The following APP variants were observed in gnomAD, a reference collection of about 807,000 sequenced individuals.
APP encodes the protein amyloid beta precursor protein.
In APP, 31 loss-of-function variants were observed where a neutral mutation model predicts 101.4. That is an observed-to-expected ratio of 0.31 (90% CI 0.23 to 0.41). APP has a LOEUF of 0.41. Among genes scored for constraint, APP ranks in the 10% least tolerant of loss-of-function variants. The probability of loss-of-function intolerance (pLI) is 1.00; values close to 1 mark genes in which losing one functional copy is unlikely to be tolerated. For missense variants in APP, 839 were observed against 1,003.7 expected, an observed-to-expected ratio of 0.84 and a Z score of 2.22; for synonymous variants, 366 against 364.4, an observed-to-expected ratio of 1.00 and a Z score of -0.05.
At chr21:26,031,933 T>G (rs1165396722) in intron 5 of APP, among the ~76,000 whole-genome samples, 1 of 152,212 alleles carries the variant, frequency 6.6e-6, no homozygotes, top group East Asian at 1.9e-4. Flanking sequence ...AGTGGCAGAA[T>G]ATGCCAGGTA....
intron 13 of APP, among the ~76,000 whole-genome samples, chr21:25,949,857 T>C (rs1600998556): frequency 6.6e-6 from 1 of 152,220 alleles, no homozygotes; most frequent in African/African-American, 2.4e-5. Context: ...TTTGGACTTC[T>C]GGCAGGTCTT....
intron 5 of APP, among the ~76,000 whole-genome samples, chr21:26,027,161 G>C (rs897327913): frequency 6.6e-6 from 1 of 152,156 alleles, no homozygotes; most frequent in African/African-American, 2.4e-5. Flanking sequence ...CAACCTACTT[G>C]CACTGATGAG....
intron 13 of APP, among the ~76,000 whole-genome samples, chr21:25,917,052 G>C (rs577013134): frequency 6.4e-4 from 98 of 152,254 alleles, no homozygotes; most frequent in African/African-American, 2.3e-3. Context: ...CACGAGGTCA[G>C]GAGTTCAAGA....
intron 13 of APP, among the ~76,000 whole-genome samples, chr21:25,932,650 T>A (rs7283265): frequency 0.24 from 37,240 of 152,100 alleles, 7,716 homozygotes; most frequent in African/African-American, 0.56. Flanking sequence ...TTCTTTAAGA[T>A]AGTTACTTTA....
At chr21:26,032,801 A>ATAT (rs1555851810) in intron 5 of APP, among the ~76,000 whole-genome samples, 2 of 128,338 alleles carry the variant, frequency 1.6e-5, no homozygotes, top group African/African-American at 5.9e-5. Flanking sequence ...TTAGAAAAAA[A>ATAT]AAAAATATAT....
At chr21:26,143,471 C>T (rs145259610) in intron 1 of APP, among the ~76,000 whole-genome samples, 64 of 152,262 alleles carry the variant, frequency 4.2e-4, no homozygotes, top group African/African-American at 1.4e-3. Context: ...ATGTATACAA[C>T]GTGATGTTTT....
intron 6 of APP, among the ~76,000 whole-genome samples, chr21:26,008,114 T>C (rs1388694528): frequency 6.6e-6 from 1 of 152,222 alleles, no homozygotes; most frequent in East Asian, 1.9e-4. Flanking sequence ...CGCAGTTGGC[T>C]AGCCTTTTTA....
intron 8 of APP, among the ~76,000 whole-genome samples, chr21:25,984,105 G>C (rs936572345): frequency 4.6e-5 from 7 of 152,144 alleles, no homozygotes; most frequent in Non-Finnish European, 1.0e-4. Flanking sequence ...ATACATGTTA[G>C]TGGCCTTCCC....
At chr21:26,027,972 A>C (rs937452745) in intron 5 of APP, among the ~76,000 whole-genome samples, 1 of 152,080 alleles carries the variant, frequency 6.6e-6, no homozygotes, top group African/African-American at 2.4e-5. Flanking sequence ...AGGCAGGCAG[A>C]TCACTTGGGG....
chr21:26,031,497 A>G (rs2044819438), intron 5 of APP, among the ~76,000 whole-genome samples: 1 of 152,182 alleles, frequency 6.6e-6, no homozygotes, highest in Non-Finnish European at 1.5e-5. Context: ...ACAGTTCCAC[A>G]TGGCTGGGGA....
chr21:26,159,874 G>T (rs2063455179), intron 1 of APP, among the ~76,000 whole-genome samples: 1 of 152,114 alleles, frequency 6.6e-6, no homozygotes, highest in African/African-American at 2.4e-5. Flanking sequence ...TTTAACCTTT[G>T]AGTCTAGCTC....
At chr21:26,164,208 G>A (rs891038134) in intron 1 of APP, among the ~76,000 whole-genome samples, 4 of 152,208 alleles carry the variant, frequency 2.6e-5, no homozygotes, top group Non-Finnish European at 4.4e-5. Flanking sequence ...TCGCACCACT[G>A]CATTCCAGCT....
At position 26,009,373 on chromosome 21, in the gene APP, G is replaced by A. The variant is rs183861727; in HGVS notation, c.866-9191C>T. Among the ~76,000 whole-genome samples the A allele has an allele frequency of 9.6e-4, 146 of 152,126 alleles. 2 individuals are homozygous for A. The highest frequency in any genetic ancestry group is 3.9e-4 in the East Asian group (2 of 5,170). ...TCTCAAGCAACATTAAAACAGCTTC[G>A]ATACCTCTGCCTTAGATCCAGTACC... On this transcript the variant is annotated intron_variant, in intron 6 of 17. Coordinates refer to ENST00000346798, the MANE Select transcript of APP (RefSeq NM_000484.4).
At position 25,918,587 on chromosome 21, in the gene APP, G is replaced by C. The variant is rs1188823297; in HGVS notation, c.1688-6625C>G. 5.9e-5 allele frequency among the ~76,000 whole-genome samples: 9 copies of C among 152,000 alleles called. 1 individual carries two copies. The highest frequency in any genetic ancestry group is 4.0e-4 in the Admixed American group (6 of 15,104). ...CACCTGGGAAGCGCAAGGGGTCAGG[G>C]AGTTCCCTTTCTGAGTCAAAGAAAG... On this transcript the variant is annotated intron_variant, in intron 13 of 17. Transcript: ENST00000346798.
At chr21:25,888,227 G>C (rs2037467489) in intron 17 of APP, among the ~76,000 whole-genome samples, 1 of 152,164 alleles carries the variant, frequency 6.6e-6, no homozygotes, top group Non-Finnish European at 1.5e-5. Context: ...CCATGTACTT[G>C]AGGGTGAGAG....
chr21:26,032,110 A>C (rs2044856562), intron 5 of APP, among the ~76,000 whole-genome samples: 1 of 152,254 alleles, frequency 6.6e-6, no homozygotes, highest in Non-Finnish European at 1.5e-5. Flanking sequence ...ATTTAGGAAA[A>C]GCATGTTCTG....
rs1346878890 is a variant in APP, at chr21:25,928,430, CAACACACACACACA to C, written c.1688-16482_1688-16469del. On this transcript the variant is annotated intron_variant, in intron 13 of 17. Transcript: ENST00000346798. ...TCTGAAAGATGCTGTATTAAGATTA[CAACACACACACACA>C]AACACACACACACATATCTTCTTGT... is the stretch of plus-strand genomic sequence containing the variant. Among the ~76,000 whole-genome samples the C allele has an allele frequency of 8.7e-4, 133 of 152,196 alleles. 3 individuals carry two copies. The South Asian group carries it at 0.026, about 30-fold the overall frequency.
chr21:26,138,864 G>C (rs1236889833), intron 1 of APP, among the ~76,000 whole-genome samples: 1 of 152,180 alleles, frequency 6.6e-6, no homozygotes, highest in African/African-American at 2.4e-5. Flanking sequence ...ACTGACATTT[G>C]TCAGGAACTG....
At chr21:26,162,847 A>T (rs2063519684) in intron 1 of APP, among the ~76,000 whole-genome samples, 1 of 145,714 alleles carries the variant, frequency 6.9e-6, no homozygotes, top group Non-Finnish European at 1.5e-5. Context: ...TCTGGAAGCT[A>T]ATGAAAGCCA....
Sources: gnomAD v4.1 joint callset for allele counts (sites outside exome capture counted in the v4.1 genomes callset) on GRCh38, gnomAD v4.1.1 for gene constraint, MANE v1.5 for transcripts, NCBI Gene and HGNC (gene_info 2026-07-23, HGNC 2026-07-21) for gene names.